Variants in NFIB observed in about 807,000 individuals in gnomAD.
NFIB encodes the protein nuclear factor I B.
Under a neutral mutation model 61.5 loss-of-function variants are expected in NFIB, and 11 were observed. The ratio of observed to expected loss-of-function variants is 0.18; its 90% CI spans 0.11 to 0.30. The LOEUF is 0.30. Ranked by LOEUF, NFIB falls within the 10% of genes least tolerant of loss-of-function variation. The probability of loss-of-function intolerance (pLI) is 1.00; values close to 1 mark genes in which losing one functional copy is unlikely to be tolerated. For missense variants in NFIB, 471 were observed against 608.9 expected (o/e 0.77, Z 2.38); for synonymous variants, 260 against 216.5 (o/e 1.20, Z -1.76).
chr9:14,224,802 T>C (rs1189541136), intron 2 of NFIB, among the ~76,000 whole-genome samples: 1 of 152,222 alleles, frequency 6.6e-6, no homozygotes, highest in Non-Finnish European at 1.5e-5. Flanking sequence ...GACTGTATTT[T>C]CCATTGTCGT....
At chr9:14,406,083 C>T in the NFIB span, among the ~76,000 whole-genome samples, 1 of 152,114 alleles carries the variant, frequency 6.6e-6, no homozygotes, top group South Asian at 2.1e-4. Context: ...TTTTCCTTCA[C>T]TCATATTACA....
chr9:14,256,663 A>G (rs1162660859), intron 2 of NFIB, among the ~76,000 whole-genome samples: 1 of 152,216 alleles, frequency 6.6e-6, no homozygotes, highest in Non-Finnish European at 1.5e-5. Context: ...AGAGTCTCAG[A>G]ACCATGAGAA....
chr9:14,405,438 T>C, the NFIB span, among the ~76,000 whole-genome samples: 1 of 152,136 alleles, frequency 6.6e-6, no homozygotes, highest in Admixed American at 6.6e-5. Flanking sequence ...GCAACGAGGA[T>C]GTGAATGGCA....
intron 2 of NFIB, among the ~76,000 whole-genome samples, chr9:14,232,984 C>T (rs1035877233): frequency 4.6e-5 from 7 of 152,134 alleles, no homozygotes; most frequent in East Asian, 1.9e-4. Flanking sequence ...GTCAAGAGGG[C>T]GGGTCTGCCT....
chr9:14,339,277 T>C (rs2060922631), intron 1 of NFIB, among the ~76,000 whole-genome samples: 1 of 152,228 alleles, frequency 6.6e-6, no homozygotes, highest in Non-Finnish European at 1.5e-5. Context: ...ACTATTATTG[T>C]TGTTGCTGTG....
chr9:14,251,238 C>G (rs2055572609), intron 2 of NFIB, among the ~76,000 whole-genome samples: 1 of 152,108 alleles, frequency 6.6e-6, no homozygotes, highest in Non-Finnish European at 1.5e-5. Context: ...GAATTAGAAC[C>G]TCCCTCCAAG....
chr9:14,182,708 CTG>C (rs59897559), intron 2 of NFIB, among the ~76,000 whole-genome samples: 4,336 of 96,300 alleles, frequency 0.045, 218 homozygotes, highest in African/African-American at 0.13. Flanking sequence ...CTCTCTCTCT[CTG>C]TGTGTGTGTG....
At chr9:14,444,565 G>T in the NFIB span, among the ~76,000 whole-genome samples, 1 of 152,140 alleles carries the variant, frequency 6.6e-6, no homozygotes, top group South Asian at 2.1e-4. Context: ...CAGAGAGAAA[G>T]ATTTGTTTTC....
chr9:14,410,091 G>A, the NFIB span, among the ~76,000 whole-genome samples: 1 of 150,320 alleles, frequency 6.7e-6, no homozygotes. Flanking sequence ...CTGTAACCGT[G>A]TTAAGTCATT....
At chr9:14,464,299 G>A in the NFIB span, among the ~76,000 whole-genome samples, 2 of 152,076 alleles carry the variant, frequency 1.3e-5, no homozygotes, top group East Asian at 1.9e-4. Context: ...TCAGCTTATC[G>A]TGCAGGTAAT....
chr9:14,476,557 C>A, the NFIB span, among the ~76,000 whole-genome samples: 3 of 152,170 alleles, frequency 2.0e-5, no homozygotes, highest in Non-Finnish European at 4.4e-5. Flanking sequence ...AGTCCTTTGG[C>A]TACTTTCTAG....
chr9:14,453,167 A>G, the NFIB span, among the ~76,000 whole-genome samples: 2 of 152,204 alleles, frequency 1.3e-5, no homozygotes, highest in Non-Finnish European at 2.9e-5. Flanking sequence ...TTCTCTGACT[A>G]TCCCTGCTCA....
intron 2 of NFIB, among the ~76,000 whole-genome samples, chr9:14,303,185 G>C (rs1166945289): frequency 6.6e-6 from 1 of 152,212 alleles, no homozygotes; most frequent in Non-Finnish European, 1.5e-5. Flanking sequence ...ATTTGCAAGA[G>C]TGGCAAGTGA....
intron 2 of NFIB, among the ~76,000 whole-genome samples, chr9:14,276,743 G>A (rs2132387586): frequency 6.6e-6 from 1 of 152,010 alleles, no homozygotes; most frequent in East Asian, 1.9e-4. Flanking sequence ...TTCATGCGAG[G>A]GAAAGCTGAT....
At chr9:14,521,432 C>T in the NFIB span, among the ~76,000 whole-genome samples, 3 of 152,224 alleles carry the variant, frequency 2.0e-5, no homozygotes, top group South Asian at 6.2e-4. Context: ...TGGCACTGCC[C>T]ATTATCAGCC....
chr9:14,154,349 C>A (rs1444231931), intron 4 of NFIB, among the ~76,000 whole-genome samples: 1 of 152,108 alleles, frequency 6.6e-6, no homozygotes, highest in Non-Finnish European at 1.5e-5. Flanking sequence ...AGCCTCCTAA[C>A]TGGAGCACCA....
At chr9:14,145,089 GT>G (rs1402549590) in intron 6 of NFIB, among the ~76,000 whole-genome samples, 1 of 151,840 alleles carries the variant, frequency 6.6e-6, no homozygotes, top group Non-Finnish European at 1.5e-5. Context: ...ATTTGGTGGG[GT>G]CTCTCATGAG....
the NFIB span, among the ~76,000 whole-genome samples, chr9:14,481,556 G>C: frequency 6.6e-6 from 1 of 151,898 alleles, no homozygotes; most frequent in Non-Finnish European, 1.5e-5. Context: ...TTTCTCTTTA[G>C]TCCTATTGAC....
chr9:14,376,395 A>C (rs2061420151), intron 1 of NFIB, among the ~76,000 whole-genome samples: 1 of 152,246 alleles, frequency 6.6e-6, no homozygotes, highest in Non-Finnish European at 1.5e-5. Flanking sequence ...TCAACTTAGA[A>C]GACACTATTT....
Sources: allele counts gnomAD v4.1 joint callset (sites outside exome capture counted in the v4.1 genomes callset), GRCh38; gene constraint gnomAD v4.1.1; transcripts MANE v1.5; gene names NCBI Gene and HGNC (gene_info 2026-07-23, HGNC 2026-07-21).